The following DGKK variants were observed in gnomAD, a reference collection of about 807,000 sequenced individuals.
DGKK encodes diacylglycerol kinase kappa.
DGKK carries 35 observed loss-of-function variants against 92.2 expected under a neutral mutation model. That is an observed-to-expected ratio of 0.38 (90% confidence interval 0.29 to 0.50). The LOEUF is 0.50. DGKK is among the 20% of genes least tolerant of loss of function. The pLI is 0.92. For missense variants in DGKK, 910 were observed against 992.2 expected, an observed-to-expected ratio of 0.92 and a Z score of 1.11; for synonymous variants, 368 against 360.6, an observed-to-expected ratio of 1.02 and a Z score of -0.23.
intron 1 of DGKK, among the ~76,000 whole-genome samples, chrX:50,434,327 C>T (rs1476326507): frequency 2.7e-5 from 3 of 112,002 alleles, no homozygotes; most frequent in East Asian, 2.8e-4. Flanking sequence ...ATTTAATGCC[C>T]GCAGCCACAG....
Position 50,376,813 on chromosome X carries a change from C to T in DGKK, c.3217G>A (p.Glu1073Lys), listed in dbSNP as rs1557223896. ...AAGTGCTGCATCTGGGCATACTCCT[C>T]GTCAGAGAGGCTCTCTTGAGAGTCC... ...FQDSQESLSD[E>K]EYAQMQHLAR... The change falls in exon 23 of 28, where the codon GAG becomes AAG. Residue 1073 changes from glutamate to lysine, a missense_variant. Transcript: ENST00000611977. 1.1e-5 allele frequency: 13 copies of T among 1,207,743 alleles called. No homozygotes were observed. The highest frequency in any genetic ancestry group is 1.7e-5 in the African/African-American group (1 of 57,788).
At chrX:50,378,492 C>T in intron 21 of DGKK, 86 bp downstream of exon 21, 7 of 887,014 alleles carry the variant, frequency 7.9e-6, no homozygotes, top group Non-Finnish European at 1.1e-5. Flanking sequence ...ATTCTTCTAC[C>T]CAGTTAATTC....
chrX:50,428,985 T>C (rs1467727592), intron 1 of DGKK, among the ~76,000 whole-genome samples: 1 of 111,965 alleles, frequency 8.9e-6, no homozygotes, highest in Non-Finnish European at 1.9e-5. Flanking sequence ...CGCTTGGGGC[T>C]ACTAAACTGA....
Position 50,404,187 on chromosome X carries a change from AAAAT to A in DGKK, c.943-7_943-4del. 1 of 1,199,887 alleles carries A rather than the reference AAAAT, an allele frequency of 8.3e-7. No homozygotes were observed. Among genetic ancestry groups the A allele is most frequent in the Non-Finnish European group, 1.1e-6 (1 of 889,508 alleles). On this transcript the variant is annotated splice_region_variant and splice_polypyrimidine_tract_variant and intron_variant, in intron 4 of 27. Transcript: ENST00000611977. ...GGGTTGTTTTCTGCTGCAGGTATCT[AAAAT>A]AAATAAACGAGAAGAGAGAATGGAG...
chrX:50,406,011 G>A (rs147276500), intron 4 of DGKK, among the ~76,000 whole-genome samples: 1,401 of 111,581 alleles, frequency 0.013, 17 homozygotes, highest in African/African-American at 0.044. Flanking sequence ...TACCATGGTA[G>A]GCACTGGAGA....
At chrX:50,447,369 T>TTA (rs61311370) in intron 1 of DGKK, among the ~76,000 whole-genome samples, 3 of 11,630 alleles carry the variant, frequency 2.6e-4, no homozygotes, top group Non-Finnish European at 3.3e-4. Flanking sequence ...TATATATATA[T>TTA]TATATATATA....
At chrX:50,458,391 T>C (rs1407808834) in intron 1 of DGKK, among the ~76,000 whole-genome samples, 1 of 109,988 alleles carries the variant, frequency 9.1e-6, no homozygotes, top group African/African-American at 3.3e-5. Context: ...ATTTTCATCA[T>C]GGTTTCTTAT....
chrX:50,458,071 G>A (rs1557233021), intron 1 of DGKK, among the ~76,000 whole-genome samples: 2 of 110,514 alleles, frequency 1.8e-5, no homozygotes, highest in East Asian at 2.8e-4. Flanking sequence ...GGTCCCATGT[G>A]CTCCTGCATC....
chrX:50,433,781 TG>T (rs1925951285), intron 1 of DGKK, among the ~76,000 whole-genome samples: 1 of 111,337 alleles, frequency 9.0e-6, no homozygotes, highest in African/African-American at 3.3e-5. Context: ...GGAAGCTTCA[TG>T]GGAGACACCT....
chrX:50,376,567 C>G lies in DGKK; in HGVS notation c.3272+191G>C, dbSNP rs782477716. ...AATCCCTGGGTCTAATGAGAGATGT[C>G]TAACCTGGCTTATTGCTGAGCACAG... On this transcript the variant is annotated intron_variant, in intron 23 of 27. Coordinates refer to ENST00000611977, the MANE Select transcript of DGKK (RefSeq NM_001013742.4). 2.7e-5 allele frequency among the ~76,000 whole-genome samples: 3 copies of G among 112,047 alleles called. No homozygotes were observed. The Admixed American group carries it at 2.8e-4, about 11-fold the overall frequency.
intron 13 of DGKK, among the ~76,000 whole-genome samples, chrX:50,387,865 A>G (rs1557225136): frequency 9.0e-6 from 1 of 111,514 alleles, no homozygotes; most frequent in African/African-American, 3.3e-5. Flanking sequence ...TCAGTGTCAC[A>G]CCACTTCCCA....
intron 9 of DGKK, among the ~76,000 whole-genome samples, chrX:50,392,816 G>A (rs1924734780): frequency 9.0e-6 from 1 of 111,678 alleles, no homozygotes. Context: ...ATTTGGTCCC[G>A]GGAAAGAGAG....
chrX:50,393,241 A>G lies in DGKK; in HGVS notation c.1506T>C (p.Asp502=), dbSNP rs1557225755. Reference sequence around the variant, plus strand: ...TTCGGAGGAAGACGATCCCCTGATGATCGCCACTTTTGGAGTTGATGAAGA... The same window carrying G: ...TTCGGAGGAAGACGATCCCCTGATGGTCGCCACTTTTGGAGTTGATGAAGA... The part of the protein sequence containing the change: ...LLIFINSKSG[D]HQGIVFLRKF... The change falls in exon 9 of 28, where the codon GAT becomes GAC. Residue 502 remains aspartate, a synonymous_variant. Coordinates refer to ENST00000611977, the MANE Select transcript of DGKK (RefSeq NM_001013742.4). The G allele has an allele frequency of 2.6e-5, 31 of 1,208,441 alleles. No homozygotes were observed. The South Asian group carries it at 4.8e-4, about 19-fold the overall frequency.
chrX:50,427,540 A>G (rs374324708), intron 1 of DGKK, among the ~76,000 whole-genome samples: 1 of 107,049 alleles, frequency 9.3e-6, no homozygotes, highest in East Asian at 2.9e-4. Context: ...ATATTGGCTC[A>G]CCAGTTGTAA....
chrX:50,444,463 G>A (rs912009181), intron 1 of DGKK, among the ~76,000 whole-genome samples: 9 of 110,107 alleles, frequency 8.2e-5, no homozygotes, highest in Non-Finnish European at 1.3e-4. Flanking sequence ...CCTCAAGTAC[G>A]CCCCAATGTT....
In DGKK at chrX:50,379,631, G is replaced by A; in HGVS notation, c.2858C>T (p.Thr953Ile). The change falls in exon 20 of 28, where the codon ACC becomes ATC. Residue 953 changes from threonine (T) to isoleucine (I), a missense_variant. By Grantham distance (89) the Thr-to-Ile change is moderately conservative (BLOSUM62 -1). Coordinates refer to ENST00000611977, the MANE Select transcript of DGKK (RefSeq NM_001013742.4). ...CATTCCTTGTTCCATACTAACCGTG[G>A]TTGCTGTGTTGCTTCCCCAGAAGTT... is the stretch of plus-strand genomic sequence containing the variant. ...GINFWGSNTA[T>I]TEYEAPAIDD... The A allele has an allele frequency of 8.3e-7, 1 of 1,204,416 alleles. No individual in the cohort carries two copies. Among genetic ancestry groups the A allele is most frequent in the Non-Finnish European group, 1.1e-6 (1 of 889,387 alleles).
chrX:50,451,378 C>T (rs1295062388), intron 1 of DGKK, among the ~76,000 whole-genome samples: 1 of 111,212 alleles, frequency 9.0e-6, no homozygotes, highest in Non-Finnish European at 1.9e-5. Flanking sequence ...CCATTCTTTG[C>T]TGAAGGAAGT....
At position 50,376,079 on chromosome X, in the gene DGKK, A is replaced by T. The variant is rs782258880; in HGVS notation, c.3359T>A (p.Phe1120Tyr). Residue 1120 changes from phenylalanine (F) to tyrosine (Y), a missense_variant, in exon 24 of 28, where the codon TTT becomes TAT. Physicochemically the swap from Phe to Tyr is conservative, Grantham distance 22. Coordinates refer to ENST00000611977, the MANE Select transcript of DGKK (RefSeq NM_001013742.4). ...CTCATTGCCACTGTCTTGGCCGTAA[A>T]ATATATCATTCAGGATGTTAGCGCT... The part of the protein sequence containing the change: ...NASANILNDI[F>Y]YGQDSGNEMG... The T allele has an allele frequency of 8.3e-7, 1 of 1,211,138 alleles. No homozygotes were observed. The highest frequency in any genetic ancestry group is 1.8e-5 in the South Asian group (1 of 56,793).
At chrX:50,395,517 C>T (rs781833876) in intron 8 of DGKK, among the ~76,000 whole-genome samples, 1 of 111,078 alleles carries the variant, frequency 9.0e-6, no homozygotes, top group Admixed American at 9.6e-5. Context: ...TGTCAAAGGC[C>T]CTTTGGGGGT....
Sources: gnomAD v4.1 joint callset for allele counts (sites outside exome capture counted in the v4.1 genomes callset) on GRCh38, gnomAD v4.1.1 for gene constraint, MANE v1.5 for transcripts, NCBI Gene and HGNC (gene_info 2026-07-23, HGNC 2026-07-21) for gene names.